TMED5: variants seen among roughly 807,000 people sequenced by gnomAD.
The protein encoded by TMED5 is transmembrane emp24 domain-containing protein 5.
Under a neutral mutation model 23.0 loss-of-function variants are expected in TMED5, and 27 were observed. The observed-to-expected ratio is 1.17, with a 90% CI of 0.86 to 1.62. The LOEUF (loss-of-function observed/expected upper bound fraction) is 1.62, where lower values mean the gene tolerates loss of function less well. TMED5 is among the 40% of genes most tolerant of loss of function. The probability of loss-of-function intolerance (pLI) is 0.00; values close to 1 mark genes in which losing one functional copy is unlikely to be tolerated. For synonymous variants in TMED5, 97 were observed against 100.8 expected, an observed-to-expected ratio of 0.96 and a Z score of 0.23; for missense variants, 248 against 273.7, an observed-to-expected ratio of 0.91 and a Z score of 0.66.
chr1:93,156,145 C>A, intron 3 of TMED5, 155 bp downstream of exon 3: 1 of 1,133,236 alleles, frequency 8.8e-7, no homozygotes, highest in South Asian at 1.6e-5. Context: ...TAAAATTAAG[C>A]TGATACTTGA....
chr1:93,156,227 G>T, intron 3 of TMED5, 73 bp downstream of exon 3: 1 of 1,381,414 alleles, frequency 7.2e-7, no homozygotes, highest in Non-Finnish European at 1.0e-6. Context: ...AAAATGCTTA[G>T]TTCAGTAACT....
intron 1 of TMED5, chr1:93,161,029 G>T (rs1463745865): frequency 2.6e-5 from 4 of 152,082 alleles, no homozygotes; most frequent in African/African-American, 9.7e-5. Flanking sequence ...TTCGAAGCAG[G>T]CCGGTTCATT....
intron 2 of TMED5, among the ~76,000 whole-genome samples, chr1:93,159,135 A>T (rs1648179985): frequency 6.6e-6 from 1 of 152,162 alleles, no homozygotes; most frequent in Non-Finnish European, 1.5e-5. Flanking sequence ...CATTTTGGTT[A>T]ACAAAGACCA....
At position 93,156,328 on chromosome 1, in the gene TMED5, A is replaced by G. The variant is rs142703405; in HGVS notation, c.443T>C (p.Ile148Thr). Reference sequence around the variant, plus strand: ...GATGTCTTCCAGTTTCATATCCAATATATCTGTGCCAGTAATATATTTCTT... The same window carrying G: ...GATGTCTTCCAGTTTCATATCCAATGTATCTGTGCCAGTAATATATTTCTT... Reference protein sequence around the residue: ...DWKKYITGTDILDMKLEDILE... With the variant: ...DWKKYITGTDTLDMKLEDILE... The change falls in exon 3 of 4, where the codon ATA becomes ACA. Residue 148 changes from isoleucine (I) to threonine (T), a missense_variant. Ile to Thr is a moderately conservative substitution (Grantham distance 89, BLOSUM62 -1). Transcript: ENST00000370282. 3.1e-6 allele frequency: 5 copies of G among 1,613,896 alleles called. No individual in the cohort carries two copies. The highest frequency in any genetic ancestry group is 1.7e-5 in the Admixed American group (1 of 60,018).
At chr1:93,179,996 G>T (rs1163052531) in intron 1 of TMED5, 58 bp downstream of exon 1, 4 of 1,532,736 alleles carry the variant, frequency 2.6e-6, no homozygotes, top group Non-Finnish European at 3.5e-6. Context: ...CGGGTGAGAG[G>T]CGACAACGCA....
intron 1 of TMED5, among the ~76,000 whole-genome samples, chr1:93,164,565 T>C (rs926420260): frequency 6.6e-6 from 1 of 152,176 alleles, no homozygotes; most frequent in Non-Finnish European, 1.5e-5. Context: ...GTAATTCATC[T>C]ATAAGCTTAC....
chr1:93,179,853 G>T, intron 1 of TMED5: 1 of 542,560 alleles, frequency 1.8e-6, no homozygotes. Flanking sequence ...TCAATTCCAG[G>T]TCCAGCCTAA....
At chr1:93,159,003 TA>T (rs1196401720) in intron 2 of TMED5, 1 of 230,334 alleles carries the variant, frequency 4.3e-6, no homozygotes, top group Non-Finnish European at 7.2e-6. Flanking sequence ...TCTGCATAGG[TA>T]AAATGCCATT....
Position 93,169,088 on chromosome 1 carries a change from A to C in TMED5, c.190-8862T>G, listed in dbSNP as rs547353626. Among the ~76,000 whole-genome samples the C allele has an allele frequency of 2.0e-5, 3 of 152,338 alleles. No homozygotes were observed. In the South Asian group the frequency reaches 6.2e-4, roughly 32 times the overall value. On this transcript the variant is annotated intron_variant, in intron 1 of 3. Transcript: ENST00000370282. ...ATAGTTGAACTGAACAGCACCATCA[A>C]TCAAATGTGTCTAATTGAATCTTGA...
intron 1 of TMED5, among the ~76,000 whole-genome samples, chr1:93,166,049 A>G (rs1025124043): frequency 2.0e-5 from 3 of 152,246 alleles, no homozygotes; most frequent in African/African-American, 7.2e-5. Context: ...TTCACTTAGC[A>G]TAATGACCTC....
chr1:93,156,528 T>C (rs1648081182), intron 2 of TMED5, 45 bp from the exon 3 acceptor site: 1 of 1,518,068 alleles, frequency 6.6e-7, no homozygotes, highest in African/African-American at 1.4e-5. Context: ...GTATTTCTAT[T>C]TGTGATGAAA....
chr1:93,172,924 T>C (rs573121663), intron 1 of TMED5, among the ~76,000 whole-genome samples: 4 of 152,130 alleles, frequency 2.6e-5, no homozygotes, highest in Non-Finnish European at 4.4e-5. Context: ...GACATTACAC[T>C]AAGTGAAATA....
In TMED5 at chr1:93,150,879, A is replaced by G. The variant is rs1354853181; in HGVS notation, c.*3791T>C. The stretch of plus-strand genomic sequence containing the variant: ...TCATTGTTCATTTTACTGCTTTCCT[A>G]TTTCTTCCTCATCTTCCATAAAAGG... On this transcript the variant is annotated 3_prime_UTR_variant, in exon 4 of 4. Transcript: ENST00000370282. The G allele has an allele frequency of 6.6e-6, 1 of 152,084 alleles. No individual in the cohort carries two copies. The highest frequency in any genetic ancestry group is 2.1e-4 in the South Asian group (1 of 4,828). 9.4% of individuals were successfully genotyped at this position (152,084 alleles called of 1,614,324 possible).
intron 1 of TMED5, among the ~76,000 whole-genome samples, chr1:93,177,584 CAAAAAA>C (rs11322215): frequency 9.0e-5 from 4 of 44,426 alleles, no homozygotes; most frequent in African/African-American, 5.2e-4. Context: ...GACTCTGTCT[CAAAAAA>C]AAAAAAAAAA....
chr1:93,168,864 T>C (rs1648597559), intron 1 of TMED5, among the ~76,000 whole-genome samples: 1 of 152,162 alleles, frequency 6.6e-6, no homozygotes, highest in African/African-American at 2.4e-5. Flanking sequence ...GGGCGGGCAT[T>C]ACCTATAATA....
At chr1:93,156,173 C>A in intron 3 of TMED5, 127 bp downstream of exon 3, 2 of 1,159,028 alleles carry the variant, frequency 1.7e-6, no homozygotes, top group Non-Finnish European at 2.4e-6. Context: ...GTATTTATGG[C>A]AAAAATAAAA....
rs558058834 is a variant in TMED5, at chr1:93,169,736, A to AT, written c.190-9511dup. Among the ~76,000 whole-genome samples, 113 of 152,298 alleles carry AT rather than the reference A, an allele frequency of 7.4e-4. 1 individual carries two copies. In the Middle Eastern group the frequency reaches 0.037, roughly 50 times the overall value. ...AGAAATAAAAGCTGGGTCATCATTA[A>AT]TTATCTATGGACATTAAAAAGATAA... On this transcript the variant is annotated intron_variant, in intron 1 of 3. Coordinates refer to ENST00000370282, the MANE Select transcript of TMED5 (RefSeq NM_016040.5).
rs772201893 is a variant in TMED5, at chr1:93,154,896, TAAATA to T, written c.472-13_472-9del. 7.8e-6 allele frequency: 12 copies of T among 1,536,838 alleles called. No individual in the cohort carries two copies. The highest frequency in any genetic ancestry group is 4.5e-5 in the East Asian group (2 of 44,108). On this transcript the variant is annotated splice_polypyrimidine_tract_variant and intron_variant, in intron 3 of 3. Transcript: ENST00000370282. ...GATGCTGTTGATGGATTCCTGGAGA[TAAATA>T]AAATAATTTTATTATTAAAGAATGC...
rs1649273702 is a variant in TMED5 at position 93,180,147 on chromosome 1, G to A, written c.96C>T (p.Leu32=). ...LPGAAGFTPS[L]DSDFTFTLPA... is the part of the protein sequence containing the mutation. ...GAAGGGTAAAGGTGAAGTCGCTATC[G>A]AGGGAAGGTGTGAAGCCGGCCGCCC... The change falls in exon 1 of 4, where the codon CTC becomes CTT. Residue 32 remains leucine (L), a synonymous_variant. Coordinates refer to ENST00000370282, the MANE Select transcript of TMED5 (RefSeq NM_016040.5). 4 of 1,613,618 alleles carry A rather than the reference G, an allele frequency of 2.5e-6. No homozygotes were observed. Among genetic ancestry groups the A allele is most frequent in the Non-Finnish European group, 3.4e-6 (4 of 1,179,820 alleles).
Sources: gnomAD v4.1 joint callset for allele counts (sites outside exome capture counted in the v4.1 genomes callset) on GRCh38, gnomAD v4.1.1 for gene constraint, MANE v1.5 for transcripts, NCBI Gene and HGNC (gene_info 2026-07-23, HGNC 2026-07-21) for gene names.